The following RNF213 variants were observed in gnomAD, a reference collection of about 807,000 sequenced individuals.
RNF213 encodes E3 ubiquitin-protein ligase RNF213.
RNF213 carries 341 observed loss-of-function variants against 514.4 expected under a neutral mutation model. The observed-to-expected ratio is 0.66, with a 90% CI of 0.61 to 0.73. RNF213 has a LOEUF of 0.73. Ranked by LOEUF, RNF213 falls within the 30% of genes least tolerant of loss-of-function variation. The pLI is 0.00. For synonymous variants in RNF213, 2,655 were observed against 2,658.2 expected, an observed-to-expected ratio of 1.00 and a Z score of 0.04; for missense variants, 5,767 against 6,615.6, an observed-to-expected ratio of 0.87 and a Z score of 4.45.
intron 37 of RNF213, among the ~76,000 whole-genome samples, chr17:80,358,779 C>T (rs542967489): frequency 6.8e-4 from 103 of 152,238 alleles, no homozygotes; most frequent in African/African-American, 2.4e-3. Flanking sequence ...CGTGGTGGCG[C>T]GTGCCTGTAT....
rs753572240 is a variant in RNF213 at position 80,347,372 on chromosome 17, A to G, written c.9037A>G (p.Ser3013Gly). 38 of 1,613,858 alleles carry G rather than the reference A, an allele frequency of 2.4e-5. No homozygotes were observed. In the Admixed American group the frequency reaches 4.3e-4, roughly 18 times the overall value. Reference protein sequence around the residue: ...LPEAKCSEEVSPMQLIKQNIF... With the variant: ...LPEAKCSEEVGPMQLIKQNIF... ...CGAGGCCAAGTGCTCAGAGGAAGTC[A>G]GCCCCATGCAGCTGATCAAACAGAA... The change falls in exon 29 of 68, where the codon AGC becomes GGC. Residue 3013 changes from serine (S) to glycine (G), a missense_variant. Coordinates refer to ENST00000582970, the MANE Select transcript of RNF213 (RefSeq NM_001256071.3). This position sits in a 1 kb window ranked among gnomAD's most constrained non-coding sequence, Gnocchi z 7.2.
Position 80,313,204 on chromosome 17 carries a change from G to C in RNF213, c.2811+37G>C, listed in dbSNP as rs752575093. On this transcript the variant is annotated intron_variant, in intron 15 of 67. Coordinates refer to ENST00000582970, the MANE Select transcript of RNF213 (RefSeq NM_001256071.3). ...GCCGAAGGCTTCTGGGTAGGGATGT[G>C]ACTGATCGTGATTCCTCATGGCCTC... 3.5e-5 allele frequency: 57 copies of C among 1,613,120 alleles called. No homozygotes were observed. The East Asian group carries it at 1.1e-3, about 32-fold the overall frequency.
At chr17:80,374,742 G>A (rs1187216931) in intron 50 of RNF213, 153 bp downstream of exon 50, 1 of 864,618 alleles carries the variant, frequency 1.2e-6, no homozygotes, top group Non-Finnish European at 1.8e-6. Context: ...ACAGCCTCCA[G>A]GGCGCACCTG....
intron 49 of RNF213, 92 bp downstream of exon 49, chr17:80,373,257 C>T (rs1274038465): frequency 2.0e-6 from 2 of 996,274 alleles, no homozygotes; most frequent in Non-Finnish European, 2.9e-6. Context: ...ACACCCTACC[C>T]CCCCCACACC....
Position 80,288,774 on chromosome 17 carries a change from T to C in RNF213, c.933+19T>C. Reference sequence around the variant, plus strand: ...CTGCCAGGTGCGTCTCCTTCCTGCCTGCCGGCTCCAGGAGGCCCTCTCCTG... The same window carrying C: ...CTGCCAGGTGCGTCTCCTTCCTGCCCGCCGGCTCCAGGAGGCCCTCTCCTG... On this transcript the variant is annotated intron_variant, in intron 5 of 67. Coordinates refer to ENST00000582970, the MANE Select transcript of RNF213 (RefSeq NM_001256071.3). This position sits in a 1 kb window ranked among gnomAD's most constrained non-coding sequence, Gnocchi z 4.9. 1 of 1,614,002 alleles carries C rather than the reference T, an allele frequency of 6.2e-7. No individual in the cohort carries two copies. Among genetic ancestry groups the C allele is most frequent in the Non-Finnish European group, 8.5e-7 (1 of 1,180,042 alleles).
At chr17:80,381,875 A>G in intron 57 of RNF213, 148 bp downstream of exon 57, 2 of 814,518 alleles carry the variant, frequency 2.5e-6, no homozygotes, top group Non-Finnish European at 4.0e-6. Flanking sequence ...CACAGAGAGA[A>G]AACCGTGTCT....
Position 80,390,174 on chromosome 17 carries a change from G to A in RNF213, c.15448G>A (p.Glu5150Lys), listed in dbSNP as rs200107943. ...KLKNPQTQTE[E>K]RFRPQWSLRD... ...AAAGAACCCCCAAACCCAAACCGAG[G>A]AGCGCTTCCGCCCTCAGTGGAGGTA... The change falls in exon 67 of 68, where the codon GAG becomes AAG. Residue 5150 changes from glutamate to lysine, a missense_variant. By Grantham distance (56) the Glu-to-Lys change is moderately conservative. This residue lies in a region of RNF213 where 1,245 missense variants were observed against 1,339.0 expected (regional missense o/e 0.93). Coordinates refer to ENST00000582970, the MANE Select transcript of RNF213 (RefSeq NM_001256071.3). 56 of 1,613,918 alleles carry A rather than the reference G, an allele frequency of 3.5e-5. No individual in the cohort carries two copies. The highest frequency in any genetic ancestry group is 2.5e-5 in the Non-Finnish European group (30 of 1,179,976).
rs146075826 is a variant in RNF213 at position 80,272,712 on chromosome 17, T to G, written c.98-529T>G. Among the ~76,000 whole-genome samples, 851 of 152,290 alleles carry G rather than the reference T, an allele frequency of 5.6e-3. 4 individuals carry two copies. The highest frequency in any genetic ancestry group is 8.5e-3 in the Non-Finnish European group (577 of 68,008). ...ATGAAGGCTAGAGTGAGTGTGGGGC[T>G]GGCAGAGTGGGTGCTCCATGCTGTC... On this transcript the variant is annotated intron_variant, in intron 2 of 67. Coordinates refer to ENST00000582970, the MANE Select transcript of RNF213 (RefSeq NM_001256071.3).
intron 3 of RNF213, among the ~76,000 whole-genome samples, chr17:80,275,901 A>G (rs2044033954): frequency 6.6e-6 from 1 of 150,468 alleles, no homozygotes; most frequent in African/African-American, 2.4e-5. Context: ...TGACCTTGTG[A>G]TCCACCCGCC....
In RNF213 at chr17:80,270,010, C is replaced by T. The variant is rs192196012; in HGVS notation, c.98-3231C>T. Among the ~76,000 whole-genome samples, 8 of 152,346 alleles carry T rather than the reference C, an allele frequency of 5.3e-5. No individual in the cohort carries two copies. The East Asian group carries it at 1.3e-3, about 26-fold the overall frequency. ...TGTTACAGGAGGACATAAAATAGCA[C>T]GAAGTTTCCTCACCCTGGGCCAGGA... is the stretch of plus-strand genomic sequence containing the variant. On this transcript the variant is annotated intron_variant, in intron 2 of 67. Coordinates refer to ENST00000582970, the MANE Select transcript of RNF213 (RefSeq NM_001256071.3).
chr17:80,354,990 A>G (rs2078678727), intron 36 of RNF213: 1 of 355,942 alleles, frequency 2.8e-6, no homozygotes, highest in East Asian at 7.4e-5. Flanking sequence ...CAGCAAAACC[A>G]GGACCCAGCA....
At chr17:80,313,906 TGGTGGTGATGGTGGA>T (rs2045700988) in intron 15 of RNF213, among the ~76,000 whole-genome samples, 1 of 21,548 alleles carries the variant, frequency 4.6e-5, no homozygotes, top group African/African-American at 3.0e-4. Context: ...ATGGTGGTGG[TGGTGGTGATGGTGGA>T]GGTGGTGGAG....
intron 3 of RNF213, among the ~76,000 whole-genome samples, chr17:80,286,347 AAGG>A (rs1462235245): frequency 1.3e-5 from 2 of 152,152 alleles, no homozygotes; most frequent in African/African-American, 2.4e-5. Context: ...TGAATTTAAA[AAGG>A]AGGAGAAAAT....
chr17:80,363,715 C>A lies in RNF213; in HGVS notation c.11675C>A (p.Pro3892Gln). 4 of 1,613,880 alleles carry A rather than the reference C, an allele frequency of 2.5e-6. No individual in the cohort carries two copies. Among genetic ancestry groups the A allele is most frequent in the Non-Finnish European group, 3.4e-6 (4 of 1,179,956 alleles). ...WLQLVKNLSMPLELICSDEHM... is the reference protein window; with the variant it reads ...WLQLVKNLSMQLELICSDEHM... ...CAGTTGGTGAAGAATCTTTCCATGC[C>A]GCTGGAGCTCATCTGCTCCGATGAG... Residue 3892 changes from proline (P) to glutamine (Q), a missense_variant, in exon 41 of 68, where the codon CCG (proline) becomes CAG (glutamine). Transcript: ENST00000582970.
Position 80,295,596 on chromosome 17 carries a change from G to A in RNF213, c.1795G>A (p.Val599Ile). The A allele has an allele frequency of 6.2e-7, 1 of 1,614,150 alleles. No homozygotes were observed. Among genetic ancestry groups the A allele is most frequent in the Middle Eastern group, 1.6e-4 (1 of 6,062 alleles). Reference protein sequence around the residue: ...YLWQHLKKHVVPLPDGKSTDF... With the variant: ...YLWQHLKKHVIPLPDGKSTDF... ...GTGGCAACATCTGAAAAAACACGTG[G>A]TACCATTGCCGGACGGAAAAAGCAC... The change falls in exon 10 of 68, where the codon GTA becomes ATA. Residue 599 changes from valine (V) to isoleucine (I), a missense_variant. This residue lies in a region of RNF213 where 592 missense variants were observed against 673.9 expected (regional missense o/e 0.88). Transcript: ENST00000582970.
rs140255873 is a variant in RNF213 at position 80,347,729 on chromosome 17, G to A, written c.9394G>A (p.Gly3132Ser). 2.4e-5 allele frequency: 38 copies of A among 1,613,976 alleles called. No individual in the cohort carries two copies. Among genetic ancestry groups the A allele is most frequent in the Non-Finnish European group, 3.1e-5 (37 of 1,180,018 alleles). ...CGGCGGCCAGAAGTACGTGGACCTCGGTCTGGGGACCCACCGCGTCAAATG... is the reference window on the plus strand; with the variant it reads ...CGGCGGCCAGAAGTACGTGGACCTCAGTCTGGGGACCCACCGCGTCAAATG... ...HLGGQKYVDL[G>S]LGTHRVKCRV... is the part of the protein sequence containing the mutation. Residue 3132 changes from glycine (G) to serine (S), a missense_variant, in exon 29 of 68, where the codon GGT (glycine) becomes AGT (serine). By Grantham distance (56) the Gly-to-Ser change is moderately conservative. Coordinates refer to ENST00000582970, the MANE Select transcript of RNF213 (RefSeq NM_001256071.3). The surrounding 1 kb of genome is among the most constrained non-coding windows in gnomAD (Gnocchi z 7.2).
At chr17:80,281,566 C>CATACAAAT in intron 3 of RNF213, among the ~76,000 whole-genome samples, 1 of 57,612 alleles carries the variant, frequency 1.7e-5, no homozygotes. Flanking sequence ...AAGACAAACG[C>CATACAAAT]CCCACTCACA....
Position 80,294,820 on chromosome 17 carries a change from G to C in RNF213, c.1572G>C (p.Lys524Asn). The C allele has an allele frequency of 6.2e-7, 1 of 1,614,222 alleles. No homozygotes were observed. The highest frequency in any genetic ancestry group is 8.5e-7 in the Non-Finnish European group (1 of 1,180,050). ...ITDGPRKDLV[K>N]GKQIAAALML... Reference sequence around the variant, plus strand: ...ACGGGCCGAGGAAGGACCTGGTGAAGGGGAAGCAGATTGCCGCTGCGCTCA... The same window carrying C: ...ACGGGCCGAGGAAGGACCTGGTGAACGGGAAGCAGATTGCCGCTGCGCTCA... Residue 524 changes from lysine (K) to asparagine (N), a missense_variant, in exon 9 of 68, where the codon AAG (lysine) becomes AAC (asparagine). Lys to Asn is a moderately conservative substitution (Grantham distance 94). Coordinates refer to ENST00000582970, the MANE Select transcript of RNF213 (RefSeq NM_001256071.3).
intron 7 of RNF213, among the ~76,000 whole-genome samples, 198 bp downstream of exon 7, chr17:80,290,926 C>A (rs1182026264): frequency 6.6e-6 from 1 of 152,000 alleles, no homozygotes; most frequent in Non-Finnish European, 1.5e-5. Flanking sequence ...TCTCATGCCT[C>A]AGCTCCCAAG....
Sources: gnomAD v4.1 joint callset for allele counts (sites outside exome capture counted in the v4.1 genomes callset) on GRCh38, gnomAD v4.1.1 for gene constraint, gnomAD v4.1.1 regional missense constraint, Gnocchi (gnomAD v3.1) non-coding constraint, MANE v1.5 for transcripts, NCBI Gene and HGNC (gene_info 2026-07-23, HGNC 2026-07-21) for gene names.